Variants in PNKP observed in about 807,000 individuals in gnomAD.
PNKP encodes the protein polynucleotide kinase 3'-phosphatase.
A neutral mutation model predicts 66.2 loss-of-function variants in PNKP; 82 were observed. The observed-to-expected ratio is 1.24, with a 90% confidence interval of 1.04 to 1.49. The LOEUF (loss-of-function observed/expected upper bound fraction) is 1.49. Among genes scored for constraint, PNKP ranks in the 40% most tolerant of loss-of-function variants. The pLI is 0.00. For missense variants in PNKP, 907 were observed against 706.8 expected (o/e 1.28, Z -3.21); for synonymous variants, 412 against 298.9 (o/e 1.38, Z -3.90).
chr19:49,865,593 G>C lies in PNKP; in HGVS notation c.199-167C>G. 1.6e-5 allele frequency: 8 copies of C among 493,536 alleles called. No individual in the cohort carries two copies. In the South Asian group the frequency reaches 2.0e-4, roughly 12 times the overall value. 30.6% of individuals were successfully genotyped at this position (493,536 alleles called of 1,614,324 possible). On this transcript the variant is annotated intron_variant, in intron 3 of 16. Transcript: ENST00000322344. ...GGAACGGTTACAGGTTTTCAGCCTT[G>C]TCCGAATCTTTTTTTTTTTTTTTTT...
In PNKP at chr19:49,862,264, T is replaced by C. The variant is rs1349217573; in HGVS notation, c.1047A>G (p.Ser349=). 1 of 1,603,414 alleles carries C rather than the reference T, an allele frequency of 6.2e-7. No homozygotes were observed. Among genetic ancestry groups the C allele is most frequent in the Non-Finnish European group, 8.5e-7 (1 of 1,175,368 alleles). ...TGGACTCGGGGAGGCAGAGAGGCCCTGAGCGGGAGACAGTCCTCTGCGAGG... is the reference window on the plus strand; with the variant it reads ...TGGACTCGGGGAGGCAGAGAGGCCCCGAGCGGGAGACAGTCCTCTGCGAGG... ...PAFDPRTVSR[S]GPLCLPESRA... is the part of the protein sequence containing the mutation. The change falls in exon 12 of 17, where the codon TCA becomes TCG. Residue 349 remains serine (S), a synonymous_variant. Transcript: ENST00000322344.
At position 49,862,384 on chromosome 19, in the gene PNKP, G is replaced by GGGAGCTCT. The variant is rs1568660100; in HGVS notation, c.1015_1016insAGAGCTCC (p.Pro339GlnfsTer26). The GGGAGCTCT allele has an allele frequency of 6.4e-7, 1 of 1,552,820 alleles. No homozygotes were observed. The highest frequency in any genetic ancestry group is 2.4e-5 in the East Asian group (1 of 41,212). On this transcript the variant is annotated frameshift_variant, in exon 11 of 17. Coordinates refer to ENST00000322344, the MANE Select transcript of PNKP (RefSeq NM_007254.4). LOFTEE classifies it high-confidence loss of function. ...CCAGGGCCTCACCGGATCAAAGGCT[G>GGGAGCTCT]GGAGCTCGAAGCCGGCTGCTGGCCA...
intron 8 of PNKP, 61 bp from the exon 9 acceptor site, chr19:49,862,799 T>TC: frequency 3.8e-6 from 6 of 1,565,064 alleles, no homozygotes; most frequent in Non-Finnish European, 5.3e-6. Context: ...CGGTAGCGGG[T>TC]CCCTGGGGCT....
intron 4 of PNKP, among the ~76,000 whole-genome samples, chr19:49,864,815 A>G (rs1212739076): frequency 2.0e-5 from 3 of 152,232 alleles, no homozygotes; most frequent in Non-Finnish European, 4.4e-5. Flanking sequence ...GAGATGAGAC[A>G]CATGGGACTC....
At chr19:49,866,920 G>A in intron 2 of PNKP, 134 bp downstream of exon 2, 1 of 863,536 alleles carries the variant, frequency 1.2e-6, no homozygotes, top group Non-Finnish European at 2.0e-6. Context: ...TTATCTTCCT[G>A]TACTCCCTAG....
At chr19:49,865,606 T>A in intron 3 of PNKP, 180 bp from the exon 4 acceptor site, 1 of 471,586 alleles carries the variant, frequency 2.1e-6, no homozygotes, top group Non-Finnish European at 3.7e-6. Flanking sequence ...CGAATCTTTT[T>A]TTTTTTTTTT....
rs79069314 is a variant in PNKP, at chr19:49,863,341, C to T, written c.816+348G>A. ...GCTCCCTCCCTCCTGCTGTTTTACACGCCAGTCTGCCCATCCGCCTAGAGT... is the reference window on the plus strand; with the variant it reads ...GCTCCCTCCCTCCTGCTGTTTTACATGCCAGTCTGCCCATCCGCCTAGAGT... On this transcript the variant is annotated intron_variant, in intron 8 of 16. Transcript: ENST00000322344. Among the ~76,000 whole-genome samples, 640 of 152,344 alleles carry T rather than the reference C, an allele frequency of 4.2e-3. 3 individuals carry two copies. Among genetic ancestry groups the T allele is most frequent in the African/African-American group, 0.015 (617 of 41,588 alleles).
Position 49,861,770 on chromosome 19 carries a change from A to G in PNKP, c.1298+2T>C. The G allele has an allele frequency of 6.4e-7, 1 of 1,569,172 alleles. No individual in the cohort carries two copies. The highest frequency in any genetic ancestry group is 8.6e-7 in the Non-Finnish European group (1 of 1,157,992). Reference sequence around the variant, plus strand: ...CCACCTACGGCCCCGCGGTCACGCTACCTGGCGCGGCTCGCGGCGTCTGGG... The same window carrying G: ...CCACCTACGGCCCCGCGGTCACGCTGCCTGGCGCGGCTCGCGGCGTCTGGG... On this transcript the variant is annotated splice_donor_variant, in intron 14 of 16. Coordinates refer to ENST00000322344, the MANE Select transcript of PNKP (RefSeq NM_007254.4). LOFTEE classifies it high-confidence loss of function.
chr19:49,861,325 CAG>C lies in PNKP; in HGVS notation c.1487_1488del (p.Ser496CysfsTer41). ...FEAPTLAEGF[S>X]AILEIPFRLW... ...AGCCGGAACGGGATCTCCAGGATGG[CAG>C]AGAAGCCTTCAGCCAGCGTTGGGGC... is the stretch of plus-strand genomic sequence containing the variant. On this transcript the variant is annotated frameshift_variant, in exon 17 of 17. Coordinates refer to ENST00000322344, the MANE Select transcript of PNKP (RefSeq NM_007254.4). LOFTEE classifies it high-confidence loss of function. The C allele has an allele frequency of 6.2e-7, 1 of 1,614,144 alleles. No individual in the cohort carries two copies. The highest frequency in any genetic ancestry group is 2.2e-5 in the East Asian group (1 of 44,876).
rs1424998862 is a variant in PNKP, at chr19:49,861,588, T to G, written c.1386+20A>C. 1 of 1,559,458 alleles carries G rather than the reference T, an allele frequency of 6.4e-7. No individual in the cohort carries two copies. On this transcript the variant is annotated intron_variant, in intron 15 of 16. Coordinates refer to ENST00000322344, the MANE Select transcript of PNKP (RefSeq NM_007254.4). ...GTCAGGGGGTGCAGCCCGGGGGGTG[T>G]CCGGGCTGAGCGGGCTCACCCGGTT...
chr19:49,862,918 T>A, intron 8 of PNKP, 180 bp from the exon 9 acceptor site: 1 of 707,262 alleles, frequency 1.4e-6, no homozygotes, highest in East Asian at 2.7e-5. Context: ...CTCCGTGGTC[T>A]CTCCACACAG....
intron 12 of PNKP, 29 bp downstream of exon 12, chr19:49,862,156 G>T: frequency 6.2e-7 from 1 of 1,613,610 alleles, no homozygotes; most frequent in Non-Finnish European, 8.5e-7. Context: ...GCGGGGCTCA[G>T]GGCACGCGCA....
intron 9 of PNKP, 28 bp from the exon 10 acceptor site, chr19:49,862,636 A>G: frequency 2.5e-6 from 4 of 1,613,786 alleles, no homozygotes; most frequent in Non-Finnish European, 3.4e-6. Flanking sequence ...CCCCGTTCCC[A>G]CCAGCTCGGA....
intron 1 of PNKP, 27 bp from the exon 2 acceptor site, chr19:49,867,244 C>A: frequency 6.3e-7 from 1 of 1,578,208 alleles, no homozygotes. Flanking sequence ...CGGGCTTGAG[C>A]GGCGCACAGC....
chr19:49,866,563 C>A (rs756799424), intron 2 of PNKP, 118 bp from the exon 3 acceptor site: 12 of 960,932 alleles, frequency 1.2e-5, no homozygotes, highest in Non-Finnish European at 2.0e-5. Flanking sequence ...CAGTTTATTT[C>A]TACATGGGAT....
Position 49,861,746 on chromosome 19 carries a change from C to T in PNKP, c.1298+26G>A, listed in dbSNP as rs200470735. On this transcript the variant is annotated intron_variant, in intron 14 of 16. Coordinates refer to ENST00000322344, the MANE Select transcript of PNKP (RefSeq NM_007254.4). ...AGGCCCCGCCCACCCCGCCGCAGGC[C>T]ACCTACGGCCCCGCGGTCACGCTAC... The T allele has an allele frequency of 3.0e-4, 463 of 1,556,548 alleles. 1 individual carries two copies. In the African/African-American group the frequency reaches 6.0e-3, roughly 20 times the overall value.
intron 3 of PNKP, 31 bp from the exon 4 acceptor site, chr19:49,865,457 G>C (rs576005193): frequency 6.5e-7 from 1 of 1,530,078 alleles, no homozygotes; most frequent in South Asian, 1.2e-5. Flanking sequence ...GCTGGGACTG[G>C]CTCCGCCCCC....
At chr19:49,863,882 G>T in intron 7 of PNKP, 82 bp downstream of exon 7, 1 of 1,382,896 alleles carries the variant, frequency 7.2e-7, no homozygotes, top group Non-Finnish European at 1.0e-6. Flanking sequence ...TGAGGCCTCC[G>T]CCCCGCTTAC....
rs1030404078 is a variant in PNKP, at chr19:49,861,370, C to A, written c.1449-5G>T. 1.3e-5 allele frequency: 21 copies of A among 1,613,962 alleles called. No individual in the cohort carries two copies. Among genetic ancestry groups the A allele is most frequent in the Non-Finnish European group, 1.7e-5 (20 of 1,179,940 alleles). On this transcript the variant is annotated splice_region_variant and splice_polypyrimidine_tract_variant and intron_variant, in intron 16 of 16. Coordinates refer to ENST00000322344, the MANE Select transcript of PNKP (RefSeq NM_007254.4). ...GTTGGGGCCTCGAACTGCTTCCTGG[C>A]AGTGGTGGGAACAGTGAGGGACAGC...
Sources: gnomAD v4.1 joint callset for allele counts (sites outside exome capture counted in the v4.1 genomes callset) on GRCh38, gnomAD v4.1.1 for gene constraint, MANE v1.5 for transcripts, NCBI Gene and HGNC (gene_info 2026-07-23, HGNC 2026-07-21) for gene names.